The following PRSS35 variants were observed in gnomAD, a reference collection of about 807,000 sequenced individuals.
PRSS35 encodes the protein inactive serine protease 35.
PRSS35 carries 7 observed loss-of-function variants against 8.1 expected under a neutral mutation model. The ratio of observed to expected loss-of-function variants is 0.86; its 90% CI spans 0.49 to 1.62. The LOEUF (loss-of-function observed/expected upper bound fraction) is 1.62, where lower values mean the gene tolerates loss of function less well. Ranked by LOEUF, PRSS35 falls within the 40% of genes most tolerant of loss-of-function variation. PRSS35 has a pLI of 0.00. For synonymous variants in PRSS35, 199 were observed against 188.7 expected (o/e 1.05, Z -0.45); for missense variants, 566 against 518.0 (o/e 1.09, Z -0.90).
intron 1 of PRSS35, among the ~76,000 whole-genome samples, chr6:83,516,262 A>C (rs1302784103): frequency 6.6e-6 from 1 of 152,090 alleles, no homozygotes; most frequent in African/African-American, 2.4e-5. Context: ...TTATTATCTT[A>C]TGCATCTGGA....
intron 1 of PRSS35, among the ~76,000 whole-genome samples, chr6:83,520,161 A>G (rs1351272847): frequency 6.6e-6 from 1 of 152,216 alleles, no homozygotes; most frequent in Non-Finnish European, 1.5e-5. Context: ...TAACATAGTA[A>G]AAGCATAAAG....
In PRSS35 at chr6:83,523,696, G is replaced by T; in HGVS notation, c.255G>T (p.Glu85Asp). The change falls in exon 2 of 2, where the codon GAG becomes GAT. Residue 85 changes from glutamate to aspartate, a missense_variant. Physicochemically the swap from Glu to Asp is conservative, Grantham distance 45. Coordinates refer to ENST00000369700, the MANE Select transcript of PRSS35 (RefSeq NM_153362.3). ...AATTGGAGGATTATCTTTCCTATGAGACTGTCTTTGAGAATGGCACCCGAA... is the reference window on the plus strand; with the variant it reads ...AATTGGAGGATTATCTTTCCTATGATACTGTCTTTGAGAATGGCACCCGAA... ...LSELEDYLSY[E>D]TVFENGTRTL... is the part of the protein sequence containing the mutation. 1 of 1,614,190 alleles carries T rather than the reference G, an allele frequency of 6.2e-7. No homozygotes were observed. Among genetic ancestry groups the T allele is most frequent in the Non-Finnish European group, 8.5e-7 (1 of 1,180,048 alleles).
chr6:83,524,818 G>A lies in PRSS35; in HGVS notation c.*135G>A, dbSNP rs1481488858. On this transcript the variant is annotated 3_prime_UTR_variant, in exon 2 of 2. Transcript: ENST00000369700. ...AGCATTTCAACATTTTTCAAAATCA[G>A]GAGATTTTCGTCCATTTAAAAAATG... 3.0e-6 allele frequency: 3 copies of A among 1,009,968 alleles called. No homozygotes were observed. Among genetic ancestry groups the A allele is most frequent in the African/African-American group, 3.3e-5 (2 of 61,186 alleles). 62.6% of individuals were successfully genotyped at this position (1,009,968 alleles called of 1,614,324 possible).
chr6:83,524,550 A>C lies in PRSS35; in HGVS notation c.1109A>C (p.Tyr370Ser). ...KNWKRKIIAV[Y>S]SGHQWVDVHG... ...TGGAAGCGCAAAATCATTGCGGTCT[A>C]CTCAGGGCACCAGTGGGTGGATGTC... The change falls in exon 2 of 2, where the codon TAC becomes TCC. Residue 370 changes from tyrosine (Y) to serine (S), a missense_variant. Coordinates refer to ENST00000369700, the MANE Select transcript of PRSS35 (RefSeq NM_153362.3). 1.2e-6 allele frequency: 2 copies of C among 1,614,194 alleles called. No homozygotes were observed. The highest frequency in any genetic ancestry group is 1.7e-6 in the Non-Finnish European group (2 of 1,180,042).
At chr6:83,521,640 G>A (rs560960972) in intron 1 of PRSS35, among the ~76,000 whole-genome samples, 28 of 151,984 alleles carry the variant, frequency 1.8e-4, no homozygotes, top group African/African-American at 5.5e-4. Flanking sequence ...GGGACTACAG[G>A]TGTGTGCCAC....
intron 1 of PRSS35, among the ~76,000 whole-genome samples, chr6:83,522,535 CTATA>C (rs1192515760): frequency 6.6e-6 from 1 of 152,144 alleles, no homozygotes; most frequent in South Asian, 2.1e-4. Context: ...TGAAAAGGGA[CTATA>C]TCTAACCATT....
rs1771874320 is a variant in PRSS35, at chr6:83,523,917, T to C, written c.476T>C (p.Ile159Thr). The change falls in exon 2 of 2, where the codon ATT (isoleucine) becomes ACT (threonine). Residue 159 changes from isoleucine (I) to threonine (T), a missense_variant. Physicochemically the swap from Ile to Thr is moderately conservative, Grantham distance 89 (BLOSUM62 -1). Coordinates refer to ENST00000369700, the MANE Select transcript of PRSS35 (RefSeq NM_153362.3). ...KLSTGCSGIL[I>T]SPQHVLTAAH... ...TCCACGGGCTGTAGTGGCATTCTCA[T>C]TTCCCCTCAGCATGTTCTAACTGCT... The C allele has an allele frequency of 6.2e-7, 1 of 1,614,074 alleles. No individual in the cohort carries two copies. Among genetic ancestry groups the C allele is most frequent in the Admixed American group, 1.7e-5 (1 of 60,004 alleles).
At chr6:83,513,025 G>T (rs1263762610) in intron 1 of PRSS35, among the ~76,000 whole-genome samples, 2 of 152,166 alleles carry the variant, frequency 1.3e-5, no homozygotes, top group African/African-American at 2.4e-5. Context: ...TTCCTGAAAA[G>T]TCTCTTTGGC....
intron 1 of PRSS35, among the ~76,000 whole-genome samples, chr6:83,521,615 T>G (rs1270712081): frequency 6.6e-6 from 1 of 151,756 alleles, no homozygotes; most frequent in Non-Finnish European, 1.5e-5. Flanking sequence ...GTTCAAGCGA[T>G]CCTGCTGAGT....
intron 1 of PRSS35, among the ~76,000 whole-genome samples, chr6:83,514,354 A>G (rs1771676051): frequency 6.6e-6 from 1 of 152,204 alleles, no homozygotes; most frequent in Non-Finnish European, 1.5e-5. Context: ...GGTCATGGAA[A>G]AATAGCCCCC....
chr6:83,513,695 G>A (rs1771664239), intron 1 of PRSS35, among the ~76,000 whole-genome samples: 1 of 152,116 alleles, frequency 6.6e-6, no homozygotes. Context: ...TTTAGTGAGG[G>A]AAGTGGTAGA....
Position 83,524,082 on chromosome 6 carries a change from A to G in PRSS35, c.641A>G (p.Asp214Gly). Residue 214 changes from aspartate to glycine, a missense_variant, in exon 2 of 2, where the codon GAC becomes GGC. Asp to Gly is a moderately conservative substitution (Grantham distance 94, BLOSUM62 -1). Coordinates refer to ENST00000369700, the MANE Select transcript of PRSS35 (RefSeq NM_153362.3). ...KRSRREASGG[D>G]QREGTREHLR... ...AGCAGGAGAGAAGCTAGTGGTGGTG[A>G]CCAAAGAGAGGGTACCAGAGAGCAT... 6.2e-7 allele frequency: 1 copy of G among 1,614,050 alleles called. No individual in the cohort carries two copies. Among genetic ancestry groups the G allele is most frequent in the Non-Finnish European group, 8.5e-7 (1 of 1,179,952 alleles).
Position 83,523,476 on chromosome 6 carries a change from C to T in PRSS35, c.35C>T (p.Thr12Ile), listed in dbSNP as rs372948717. Residue 12 changes from threonine to isoleucine, a missense_variant, in exon 2 of 2, where the codon ACC (threonine) becomes ATC (isoleucine). Transcript: ENST00000369700. Reference sequence around the variant, plus strand: ...ATGCTGCTTTGGTTGATATTTTTCACCCCTGGGTGGACCCTCATTGATGGA... The same window carrying T: ...ATGCTGCTTTGGTTGATATTTTTCATCCCTGGGTGGACCCTCATTGATGGA... ...ENMLLWLIFFTPGWTLIDGSE... is the reference protein window; with the variant it reads ...ENMLLWLIFFIPGWTLIDGSE... 7.4e-6 allele frequency: 12 copies of T among 1,613,870 alleles called. No homozygotes were observed. The highest frequency in any genetic ancestry group is 3.3e-5 in the Admixed American group (2 of 59,968).
chr6:83,515,647 A>G (rs1202132489), intron 1 of PRSS35, among the ~76,000 whole-genome samples: 2 of 151,982 alleles, frequency 1.3e-5, no homozygotes, highest in Non-Finnish European at 2.9e-5. Flanking sequence ...GACCACAGGC[A>G]TGCGCCACCA....
At chr6:83,516,846 C>T (rs982990675) in intron 1 of PRSS35, among the ~76,000 whole-genome samples, 1 of 152,078 alleles carries the variant, frequency 6.6e-6, no homozygotes, top group Non-Finnish European at 1.5e-5. Flanking sequence ...TATATGAGCC[C>T]CTATGATTGC....
chr6:83,517,934 A>G (rs1446466428), intron 1 of PRSS35, among the ~76,000 whole-genome samples: 1 of 152,216 alleles, frequency 6.6e-6, no homozygotes, highest in Non-Finnish European at 1.5e-5. Context: ...TGATGGATCA[A>G]TGCAAAGTTG....
rs777273680 is a variant in PRSS35, at chr6:83,524,335, G to A, written c.894G>A (p.Thr298=). ...KKYMELGISP[T]IKKMPGGMIH... The stretch of plus-strand genomic sequence containing the variant: ...ACATGGAACTTGGAATCAGCCCAAC[G>A]ATCAAGAAAATGCCTGGTGGAATGA... Residue 298 remains threonine (T), a synonymous_variant, in exon 2 of 2, where the codon ACG becomes ACA. Transcript: ENST00000369700. 2.5e-6 allele frequency: 4 copies of A among 1,614,032 alleles called. No homozygotes were observed. In the African/African-American group the frequency reaches 5.3e-5, roughly 22 times the overall value.
rs1771871633 is a variant in PRSS35 at position 83,523,828 on chromosome 6, C to T, written c.387C>T (p.Ser129=). The stretch of plus-strand genomic sequence containing the variant: ...AGAGACAGGTGTATGGCACCGACAG[C>T]AGGTTCAGCATCTTGGACAAAAGGT... ...RRKRQVYGTD[S]RFSILDKRFL... The change falls in exon 2 of 2, where the codon AGC becomes AGT. Residue 129 remains serine, a synonymous_variant. Coordinates refer to ENST00000369700, the MANE Select transcript of PRSS35 (RefSeq NM_153362.3). 1.2e-6 allele frequency: 2 copies of T among 1,614,192 alleles called. No individual in the cohort carries two copies. Among genetic ancestry groups the T allele is most frequent in the Non-Finnish European group, 8.5e-7 (1 of 1,180,036 alleles).
chr6:83,524,415 G>T lies in PRSS35; in HGVS notation c.974G>T (p.Cys325Phe). ...GCTGATCAGTTGGTCTATCGGTTTTGCAGTGTGTCCGACGAATCCAATGAT... is the reference window on the plus strand; with the variant it reads ...GCTGATCAGTTGGTCTATCGGTTTTTCAGTGTGTCCGACGAATCCAATGAT... ...DRADQLVYRF[C>F]SVSDESNDLL... The change falls in exon 2 of 2, where the codon TGC (cysteine) becomes TTC (phenylalanine). Residue 325 changes from cysteine to phenylalanine, a missense_variant. Coordinates refer to ENST00000369700, the MANE Select transcript of PRSS35 (RefSeq NM_153362.3). 1 of 1,614,168 alleles carries T rather than the reference G, an allele frequency of 6.2e-7. No individual in the cohort carries two copies. The highest frequency in any genetic ancestry group is 2.2e-5 in the East Asian group (1 of 44,884).
Sources: allele counts gnomAD v4.1 joint callset (sites outside exome capture counted in the v4.1 genomes callset), GRCh38; gene constraint gnomAD v4.1.1; transcripts MANE v1.5; gene names NCBI Gene and HGNC (gene_info 2026-07-23, HGNC 2026-07-21).